ZBTB38: variants seen among roughly 807,000 people sequenced by gnomAD.
ZBTB38 encodes zinc finger and BTB domain-containing protein 38.
ZBTB38 carries 20 observed loss-of-function variants against 76.8 expected under a neutral mutation model. The observed-to-expected ratio is 0.26, with a 90% CI of 0.18 to 0.38. The LOEUF is 0.38. ZBTB38 is among the 10% of genes least tolerant of loss of function. The probability of loss-of-function intolerance (pLI) is 1.00; values close to 1 mark genes in which losing one functional copy is unlikely to be tolerated. For missense variants in ZBTB38, 1,082 were observed against 1,482.3 expected (o/e 0.73, Z 4.43); for synonymous variants, 504 against 544.2 (o/e 0.93, Z 1.03).
intron 1 of ZBTB38, among the ~76,000 whole-genome samples, chr3:141,338,325 C>T (rs1040299740): frequency 6.6e-6 from 1 of 152,172 alleles, no homozygotes; most frequent in Non-Finnish European, 1.5e-5. Context: ...ATAAATCGTT[C>T]TGCTGTAAAG....
chr3:141,429,801 C>T (rs930396574), intron 5 of ZBTB38, among the ~76,000 whole-genome samples: 18 of 152,292 alleles, frequency 1.2e-4, no homozygotes, highest in African/African-American at 3.8e-4. Flanking sequence ...TGGGCAGTGC[C>T]GGAACCGTGT....
chr3:141,335,950 T>G (rs543636757), intron 1 of ZBTB38, among the ~76,000 whole-genome samples: 1 of 152,220 alleles, frequency 6.6e-6, no homozygotes, highest in Admixed American at 6.5e-5. Flanking sequence ...GAACCACAAG[T>G]GTCAAAGGGT....
chr3:141,349,392 T>C, intron 1 of ZBTB38, among the ~76,000 whole-genome samples: 1 of 152,196 alleles, frequency 6.6e-6, no homozygotes, highest in East Asian at 1.9e-4. Context: ...TTTGAGATCA[T>C]GCAGCAGTTA....
chr3:141,430,445 T>C (rs1978600), intron 5 of ZBTB38, among the ~76,000 whole-genome samples: 144,079 of 152,326 alleles, frequency 0.95, 68,245 homozygotes, highest in East Asian at 1. Flanking sequence ...TAGCCACCAA[T>C]TAGGCAGATG....
intron 2 of ZBTB38, among the ~76,000 whole-genome samples, chr3:141,377,060 C>T (rs556485178): frequency 6.6e-6 from 1 of 152,372 alleles, no homozygotes; most frequent in South Asian, 2.1e-4. Flanking sequence ...AACTCTGTTC[C>T]TGCCCCACAG....
chr3:141,436,709 G>T (rs1312820758), intron 5 of ZBTB38, among the ~76,000 whole-genome samples: 1 of 152,114 alleles, frequency 6.6e-6, no homozygotes, highest in African/African-American at 2.4e-5. Flanking sequence ...TGTTGGCCAG[G>T]CTAGTCTTGA....
At chr3:141,366,808 C>T (rs1268423683), upstream of ZBTB38, 1 of 152,174 alleles carries the variant, frequency 6.6e-6, no homozygotes, top group Non-Finnish European at 1.5e-5. Flanking sequence ...TGGAATGAGA[C>T]ATTTACTCTA....
At position 141,413,880 on chromosome 3, in the gene ZBTB38, A is replaced by G. The variant is rs2073269760; in HGVS notation, c.-1+9849A>G. Among the ~76,000 whole-genome samples, 1 of 152,230 alleles carries G rather than the reference A, an allele frequency of 6.6e-6. No individual in the cohort carries two copies. Among genetic ancestry groups the G allele is most frequent in the Non-Finnish European group, 1.5e-5 (1 of 68,030 alleles). ...AGATTTACGTAGAGAAATTTTCCCCATAGGAATGGACAAACTAAAGGGATC... is the reference window on the plus strand; with the variant it reads ...AGATTTACGTAGAGAAATTTTCCCCGTAGGAATGGACAAACTAAAGGGATC... On this transcript the variant is annotated intron_variant, in intron 5 of 5. Transcript: ENST00000321464. The surrounding 1 kb of genome is among the most constrained non-coding windows in gnomAD (Gnocchi z 4.1).
chr3:141,441,262 A>G (rs1305311809), intron 5 of ZBTB38, among the ~76,000 whole-genome samples: 1 of 152,122 alleles, frequency 6.6e-6, no homozygotes, highest in East Asian at 1.9e-4. Context: ...TAGGACTTAT[A>G]TAGAGAATAT....
intron 5 of ZBTB38, among the ~76,000 whole-genome samples, chr3:141,431,323 CAAA>C (rs71976494): frequency 1.4e-4 from 14 of 101,394 alleles, no homozygotes; most frequent in African/African-American, 4.4e-4. Context: ...GACTTCGTCT[CAAA>C]AAAAAAAAAA....
At chr3:141,390,226 T>C (rs1948434971) in intron 4 of ZBTB38, among the ~76,000 whole-genome samples, 1 of 152,174 alleles carries the variant, frequency 6.6e-6, no homozygotes. Flanking sequence ...TGAAAATGCT[T>C]CTTGATGATT....
intron 1 of ZBTB38, 109 bp downstream of exon 1, chr3:141,368,913 AG>A (rs1944122364): frequency 6.8e-6 from 1 of 146,362 alleles, no homozygotes; most frequent in Non-Finnish European, 1.5e-5. Flanking sequence ...CAGAGTTGGG[AG>A]TAGGGACTGC....
chr3:141,342,340 A>G (rs1943221364), intron 1 of ZBTB38, among the ~76,000 whole-genome samples: 1 of 151,336 alleles, frequency 6.6e-6, no homozygotes, highest in Non-Finnish European at 1.5e-5. Context: ...ACCAACACAG[A>G]AAATGGACCA....
At chr3:141,431,513 ACG>A (rs2077602977) in intron 5 of ZBTB38, among the ~76,000 whole-genome samples, 1 of 151,674 alleles carries the variant, frequency 6.6e-6, no homozygotes, top group Non-Finnish European at 1.5e-5. Flanking sequence ...CCCAAGGCAC[ACG>A]AGCTACCCTG....
rs999007290 is a variant in ZBTB38, at chr3:141,413,381, G to A, written c.-1+9350G>A. Among the ~76,000 whole-genome samples the A allele has an allele frequency of 6.6e-6, 1 of 152,164 alleles. No individual in the cohort carries two copies. Among genetic ancestry groups the A allele is most frequent in the Non-Finnish European group, 1.5e-5 (1 of 68,038 alleles). On this transcript the variant is annotated intron_variant, in intron 5 of 5. Transcript: ENST00000321464. The surrounding 1 kb of genome is among the most constrained non-coding windows in gnomAD (Gnocchi z 4.1). ...TCTAAAGCTGAAATCTGCTTCCTGG[G>A]TTTAGCCACCATTTTCATTGAGCAG...
intron 1 of ZBTB38, among the ~76,000 whole-genome samples, chr3:141,356,494 G>A (rs1039936424): frequency 2.6e-5 from 4 of 152,096 alleles, no homozygotes; most frequent in East Asian, 1.9e-4. Flanking sequence ...GTATTTGGTC[G>A]ACCATAAAGA....
At chr3:141,385,252 TAAG>T (rs1255856111) in intron 3 of ZBTB38, among the ~76,000 whole-genome samples, 3 of 139,846 alleles carry the variant, frequency 2.1e-5, no homozygotes, top group African/African-American at 8.0e-5. Flanking sequence ...TTTGGAGAGA[TAAG>T]AAGAAGAAAA....
In ZBTB38 at chr3:141,357,472, T is replaced by C. The variant is rs189691867; in HGVS notation, c.-738-11149T>C. Among the ~76,000 whole-genome samples the C allele has an allele frequency of 1.7e-4, 26 of 152,360 alleles. No individual in the cohort carries two copies. In the East Asian group the frequency reaches 4.4e-3, roughly 26 times the overall value. On this transcript the variant is annotated intron_variant, in intron 1 of 7. Coordinates refer to the ZBTB38 transcript ENST00000509842. ...CCTCCATTATAAAAATATTCTTTTATTTTTCCATTTGGTATTTTTGTCATC... is the reference window on the plus strand; with the variant it reads ...CCTCCATTATAAAAATATTCTTTTACTTTTCCATTTGGTATTTTTGTCATC...
chr3:141,386,511 T>G (rs2149250600), intron 3 of ZBTB38: 1 of 152,360 alleles, frequency 6.6e-6, no homozygotes, highest in Admixed American at 6.5e-5. Flanking sequence ...CTAGAAATGC[T>G]ATACCCTTTA....
Sources: gnomAD v4.1 joint callset for allele counts (sites outside exome capture counted in the v4.1 genomes callset) on GRCh38, gnomAD v4.1.1 for gene constraint, Gnocchi (gnomAD v3.1) non-coding constraint, MANE v1.5 for transcripts, NCBI Gene and HGNC (gene_info 2026-07-23, HGNC 2026-07-21) for gene names.